Variants in RP1 observed in about 807,000 individuals in gnomAD.
The protein encoded by RP1 is RP1 axonemal microtubule associated.
Under a neutral mutation model 14.8 loss-of-function variants are expected in RP1, and 16 were observed. That is an observed-to-expected ratio of 1.08 (90% CI 0.73 to 1.65). The LOEUF is 1.65. Ranked by LOEUF, RP1 falls within the 40% of genes most tolerant of loss-of-function variation. The pLI is 0.00. For missense variants in RP1, 2,631 were observed against 2,535.0 expected, an observed-to-expected ratio of 1.04 and a Z score of -0.81; for synonymous variants, 876 against 883.6, an observed-to-expected ratio of 0.99 and a Z score of 0.15.
At chr8:54,724,825 A>G (rs1808616846) in intron 16 of RP1, among the ~76,000 whole-genome samples, 2 of 152,178 alleles carry the variant, frequency 1.3e-5, no homozygotes, top group Non-Finnish European at 2.9e-5. Flanking sequence ...ATATTGGTGT[A>G]CTTTTTGAGA....
At chr8:54,778,917 C>A (rs192162701) in intron 23 of RP1, among the ~76,000 whole-genome samples, 1 of 152,070 alleles carries the variant, frequency 6.6e-6, no homozygotes, top group Non-Finnish European at 1.5e-5. Flanking sequence ...TGTAATATTA[C>A]GTCAGCATGG....
intron 1 of RP1, among the ~76,000 whole-genome samples, chr8:54,560,133 C>G (rs1174392958): frequency 3.9e-5 from 6 of 152,070 alleles, no homozygotes; most frequent in Admixed American, 2.6e-4. Flanking sequence ...TGCGTTTGAA[C>G]CCAGCTCCTC....
At chr8:54,852,039 G>A (rs1170473316) in intron 25 of RP1, among the ~76,000 whole-genome samples, 1 of 151,972 alleles carries the variant, frequency 6.6e-6, no homozygotes, top group African/African-American at 2.4e-5. Flanking sequence ...CAAATACAGT[G>A]GATTATAATT....
At chr8:54,613,957 G>T (rs1236659860), upstream of RP1, among the ~76,000 whole-genome samples, 2 of 152,192 alleles carry the variant, frequency 1.3e-5, no homozygotes, top group African/African-American at 4.8e-5. Flanking sequence ...TGTGTTAAAA[G>T]AAGATAAACA....
At chr8:54,848,562 CAT>C (rs1811984231) in intron 25 of RP1, among the ~76,000 whole-genome samples, 1 of 152,056 alleles carries the variant, frequency 6.6e-6, no homozygotes, top group South Asian at 2.1e-4. Context: ...AATATGAACT[CAT>C]AGCCAAAATA....
intron 24 of RP1, among the ~76,000 whole-genome samples, chr8:54,822,362 A>G (rs905242406): frequency 6.7e-5 from 5 of 74,838 alleles, no homozygotes; most frequent in African/African-American, 2.1e-4. Flanking sequence ...ATGATTTTGT[A>G]TAATAATACC....
At chr8:54,783,797 T>A in intron 24 of RP1, 1 of 941,500 alleles carries the variant, frequency 1.1e-6, no homozygotes, top group Non-Finnish European at 1.4e-6. Context: ...TTTTTTGTTG[T>A]TCTTTTGGTA....
chr8:54,804,104 A>G (rs116261197), intron 24 of RP1, among the ~76,000 whole-genome samples: 4,360 of 147,702 alleles, frequency 0.03, 122 homozygotes, highest in African/African-American at 0.066. Context: ...ATAATAAACA[A>G]TGGAAGGTAA....
chr8:54,635,123 T>A (rs1806322606), downstream of RP1, among the ~76,000 whole-genome samples: 1 of 152,162 alleles, frequency 6.6e-6, no homozygotes, highest in Non-Finnish European at 1.5e-5. Context: ...ATTATTTTTT[T>A]ATCAATGGGA....
chr8:54,838,313 TTC>T (rs1811710486), intron 25 of RP1, among the ~76,000 whole-genome samples: 3 of 152,224 alleles, frequency 2.0e-5, no homozygotes, highest in Non-Finnish European at 4.4e-5. Flanking sequence ...TGTCTTAATT[TTC>T]TCTCTGTCCA....
chr8:54,668,017 C>T (rs1188711731), intron 7 of RP1, among the ~76,000 whole-genome samples: 1 of 152,076 alleles, frequency 6.6e-6, no homozygotes, highest in Non-Finnish European at 1.5e-5. Context: ...ATACCAAAGC[C>T]TGGCAGAGAC....
chr8:54,596,251 C>T (rs546817861), intron 1 of RP1, among the ~76,000 whole-genome samples: 9 of 152,220 alleles, frequency 5.9e-5, no homozygotes, highest in African/African-American at 2.2e-4. Context: ...TGTGAAATTC[C>T]ATTGTGATTT....
intron 22 of RP1, among the ~76,000 whole-genome samples, chr8:54,763,189 T>C (rs896862747): frequency 2.0e-5 from 3 of 152,246 alleles, no homozygotes; most frequent in African/African-American, 7.2e-5. Flanking sequence ...CATGTGTATA[T>C]GTGAGTCTTG....
intron 24 of RP1, among the ~76,000 whole-genome samples, chr8:54,800,660 C>T (rs1338327264): frequency 6.6e-6 from 1 of 152,122 alleles, no homozygotes; most frequent in Non-Finnish European, 1.5e-5. Flanking sequence ...AATTCTTCAT[C>T]CTTGTAACTG....
chr8:54,767,401 C>T (rs538737758), intron 22 of RP1, among the ~76,000 whole-genome samples: 1 of 151,402 alleles, frequency 6.6e-6, no homozygotes, highest in African/African-American at 2.4e-5. Context: ...GCTCTGTCAC[C>T]CAGGCTGGAG....
At chr8:54,636,937 G>C (rs1352029821) in intron 3 of RP1, among the ~76,000 whole-genome samples, 1 of 152,188 alleles carries the variant, frequency 6.6e-6, no homozygotes, top group Non-Finnish European at 1.5e-5. Context: ...CTAGGACCAA[G>C]AGAAAGTTCT....
intron 25 of RP1, among the ~76,000 whole-genome samples, chr8:54,848,857 T>TC (rs1177933012): frequency 1.3e-5 from 2 of 152,112 alleles, no homozygotes; most frequent in African/African-American, 4.8e-5. Context: ...CAAGCTATTC[T>TC]CCCACCTCAG....
intron 24 of RP1, among the ~76,000 whole-genome samples, chr8:54,797,861 T>C (rs944615002): frequency 2.7e-5 from 4 of 146,870 alleles, no homozygotes; most frequent in African/African-American, 9.9e-5. Context: ...TTTCCAAGTG[T>C]TGTTTCCCAA....
At chr8:54,649,963 T>A (rs1275918753) in intron 4 of RP1, among the ~76,000 whole-genome samples, 1 of 152,212 alleles carries the variant, frequency 6.6e-6, no homozygotes, top group Non-Finnish European at 1.5e-5. Context: ...CACTCTTGTG[T>A]TTATAGTCAC....
Sources: gnomAD v4.1 joint callset for allele counts (sites outside exome capture counted in the v4.1 genomes callset) on GRCh38, gnomAD v4.1.1 for gene constraint, MANE v1.5 for transcripts, NCBI Gene and HGNC (gene_info 2026-07-23, HGNC 2026-07-21) for gene names.